The following DIP2C variants were observed in gnomAD, a reference collection of about 807,000 sequenced individuals.
DIP2C encodes DIP2 acetate--CoA ligase C (putative).
Under a neutral mutation model 192.4 loss-of-function variants are expected in DIP2C, and 33 were observed. That is an observed-to-expected ratio of 0.17 (90% CI 0.13 to 0.23). DIP2C has a LOEUF of 0.23. Ranked by LOEUF, DIP2C falls within the 10% of genes least tolerant of loss-of-function variation. The pLI is 1.00. For missense variants in DIP2C, 1,537 were observed against 2,110.1 expected (o/e 0.73, Z 5.32); for synonymous variants, 979 against 864.1 (o/e 1.13, Z -2.33).
chr10:555,869 CAG>C (rs1231710889), intron 1 of DIP2C, among the ~76,000 whole-genome samples: 8 of 152,136 alleles, frequency 5.3e-5, no homozygotes, highest in Non-Finnish European at 1.2e-4. Context: ...CTTCAAGTCA[CAG>C]AACACGGTCT....
intron 1 of DIP2C, among the ~76,000 whole-genome samples, chr10:675,306 G>A (rs1281196606): frequency 6.6e-6 from 1 of 151,952 alleles, no homozygotes; most frequent in Non-Finnish European, 1.5e-5. Flanking sequence ...TAAGAGGAAA[G>A]TTTATAGCAA....
intron 29 of DIP2C, among the ~76,000 whole-genome samples, chr10:335,763 T>G (rs927889714): frequency 3.9e-5 from 6 of 152,368 alleles, no homozygotes. Flanking sequence ...TTTTCCACCA[T>G]GAAGACTCTC....
chr10:460,153 G>C (rs748101072), intron 3 of DIP2C, among the ~76,000 whole-genome samples: 3 of 152,200 alleles, frequency 2.0e-5, no homozygotes, highest in Non-Finnish European at 2.9e-5. Flanking sequence ...TGCTGCACAT[G>C]AGCTCTAGGA....
At chr10:355,640 A>T (rs1344203829) in intron 24 of DIP2C, among the ~76,000 whole-genome samples, 1 of 152,200 alleles carries the variant, frequency 6.6e-6, no homozygotes, top group Admixed American at 6.5e-5. Flanking sequence ...TGTTTATTTA[A>T]TGCCTTACTC....
chr10:314,463 C>G (rs1956692150), intron 31 of DIP2C, among the ~76,000 whole-genome samples: 1 of 152,206 alleles, frequency 6.6e-6, no homozygotes, highest in Non-Finnish European at 1.5e-5. Flanking sequence ...GCTAACTCAT[C>G]TTTCTAAACT....
intron 1 of DIP2C, among the ~76,000 whole-genome samples, chr10:593,557 C>G (rs1308276455): frequency 6.9e-6 from 1 of 145,656 alleles, no homozygotes; most frequent in Non-Finnish European, 1.5e-5. Flanking sequence ...CCCTGACTTC[C>G]AACCCTCTCC....
At position 277,062 on chromosome 10, in the gene DIP2C, G is replaced by C. The variant is rs555520454; in HGVS notation, c.*263C>G. The C allele has an allele frequency of 2.7e-5, 7 of 254,700 alleles. No homozygotes were observed. The Admixed American group carries it at 7.3e-4, about 27-fold the overall frequency. 15.8% of individuals were successfully genotyped at this position (254,700 alleles called of 1,614,324 possible). On this transcript the variant is annotated 3_prime_UTR_variant, in exon 37 of 37. Coordinates refer to ENST00000280886, the MANE Select transcript of DIP2C (RefSeq NM_014974.3). ...TAATTAAAAAAGAAAGAAAAGAAAA[G>C]AAAGTTTTGAAATGGGCTTTTCCAA...
chr10:338,424 G>GTT (rs77305538), intron 29 of DIP2C, among the ~76,000 whole-genome samples: 34 of 144,034 alleles, frequency 2.4e-4, no homozygotes, highest in African/African-American at 6.9e-4. Flanking sequence ...GCCCTACACA[G>GTT]TTTTTTTTTT....
chr10:334,972 A>G (rs1292681619), intron 29 of DIP2C, among the ~76,000 whole-genome samples: 1 of 152,230 alleles, frequency 6.6e-6, no homozygotes, highest in Non-Finnish European at 1.5e-5. Flanking sequence ...AAACCCCCAA[A>G]AAATAGCCTG....
intron 1 of DIP2C, among the ~76,000 whole-genome samples, chr10:606,519 C>T (rs1236077459): frequency 1.3e-5 from 2 of 150,132 alleles, no homozygotes; most frequent in Admixed American, 6.6e-5. Flanking sequence ...CTCACGGCCC[C>T]GCTGCCGTAA....
At position 620,640 on chromosome 10, in the gene DIP2C, A is replaced by G. The variant is rs555877517; in HGVS notation, c.85+68854T>C. Among the ~76,000 whole-genome samples the G allele has an allele frequency of 2.6e-5, 4 of 152,366 alleles. No individual in the cohort carries two copies. In the East Asian group the frequency reaches 7.7e-4, roughly 29 times the overall value. On this transcript the variant is annotated intron_variant, in intron 1 of 36. Transcript: ENST00000280886. ...CCTTTAGTTTGAATTGGAAAAGCAG[A>G]AGTGATGATCAGGATACAAAAAAAT...
intron 1 of DIP2C, among the ~76,000 whole-genome samples, chr10:674,625 C>G (rs981789459): frequency 6.6e-6 from 1 of 151,678 alleles, no homozygotes; most frequent in Admixed American, 6.6e-5. Context: ...AAAAATTAAC[C>G]GAGCATGGTG....
intron 1 of DIP2C, chr10:663,170 C>A: frequency 2.2e-6 from 1 of 449,348 alleles, no homozygotes; most frequent in Non-Finnish European, 3.9e-6. Flanking sequence ...AATTCTATGT[C>A]CAGTGTAAAT....
In DIP2C at chr10:356,210, A is replaced by T. The variant is rs780778219; in HGVS notation, c.2985+216T>A. The T allele has an allele frequency of 4.9e-6, 3 of 618,394 alleles. No individual in the cohort carries two copies. The African/African-American group carries it at 5.5e-5, about 11-fold the overall frequency. 38.3% of individuals were successfully genotyped at this position (618,394 alleles called of 1,614,324 possible). Reference sequence around the variant, plus strand: ...GAAATATTGTAAATAGGTTGCTAAAATATCTGTACACACAAATAGGTGTAA... The same window carrying T: ...GAAATATTGTAAATAGGTTGCTAAATTATCTGTACACACAAATAGGTGTAA... On this transcript the variant is annotated intron_variant, in intron 24 of 36. Transcript: ENST00000280886.
chr10:596,625 A>T (rs1851724114), intron 1 of DIP2C, among the ~76,000 whole-genome samples: 1 of 152,148 alleles, frequency 6.6e-6, no homozygotes, highest in Admixed American at 6.5e-5. Flanking sequence ...ACGTAGGTGA[A>T]TAGGACACAG....
In DIP2C at chr10:652,131, G is replaced by A. The variant is rs75669940; in HGVS notation, c.85+37363C>T. The A allele has an allele frequency of 0.031, 4,978 of 158,682 alleles. 162 individuals are homozygous for A. Among genetic ancestry groups the A allele is most frequent in the African/African-American group, 0.08 (3,311 of 41,600 alleles). 9.8% of individuals were successfully genotyped at this position (158,682 alleles called of 1,614,324 possible). The stretch of plus-strand genomic sequence containing the variant: ...GCAATTGACACTGATTCCTACCAAC[G>A]ATATCCAAATCTTAGCATGAGCAGC... On this transcript the variant is annotated intron_variant, in intron 1 of 36. Coordinates refer to ENST00000280886, the MANE Select transcript of DIP2C (RefSeq NM_014974.3). The surrounding 1 kb of genome is among the most constrained non-coding windows in gnomAD (Gnocchi z 4.5).
At chr10:606,090 G>C (rs183327849) in intron 1 of DIP2C, among the ~76,000 whole-genome samples, 6 of 152,324 alleles carry the variant, frequency 3.9e-5, no homozygotes, top group Non-Finnish European at 5.9e-5. Context: ...CGTGGAGACC[G>C]GGAAGCACCA....
intron 29 of DIP2C, among the ~76,000 whole-genome samples, chr10:333,413 T>C (rs779241813): frequency 6.6e-5 from 10 of 152,296 alleles, no homozygotes; most frequent in Non-Finnish European, 1.5e-4. Flanking sequence ...TTCTACTTTG[T>C]TTACAAATTT....
chr10:476,578 G>A (rs1266972108), intron 2 of DIP2C, among the ~76,000 whole-genome samples: 1 of 152,138 alleles, frequency 6.6e-6, no homozygotes, highest in Non-Finnish European at 1.5e-5. Flanking sequence ...GAGTGCGAGC[G>A]GCCCGGTGTC....
Sources: gnomAD v4.1 joint callset for allele counts (sites outside exome capture counted in the v4.1 genomes callset) on GRCh38, gnomAD v4.1.1 for gene constraint, Gnocchi (gnomAD v3.1) non-coding constraint, MANE v1.5 for transcripts, NCBI Gene and HGNC (gene_info 2026-07-23, HGNC 2026-07-21) for gene names.